Variants in SLC25A21 observed in about 807,000 individuals in gnomAD.
SLC25A21 encodes the protein mitochondrial 2-oxodicarboxylate carrier.
A neutral mutation model predicts 43.8 loss-of-function variants in SLC25A21; 47 were observed. The ratio of observed to expected loss-of-function variants is 1.07; its 90% CI spans 0.85 to 1.37. The LOEUF is 1.37. Among genes scored for constraint, SLC25A21 ranks in the 40% most tolerant of loss-of-function variants. The pLI is 0.00. For synonymous variants in SLC25A21, 131 were observed against 121.3 expected (o/e 1.08, Z -0.52); for missense variants, 352 against 350.2 (o/e 1.00, Z -0.04).
intron 2 of SLC25A21, among the ~76,000 whole-genome samples, chr14:36,835,860 T>C (rs1377771106): frequency 6.6e-6 from 1 of 152,182 alleles, no homozygotes; most frequent in Non-Finnish European, 1.5e-5. Context: ...AGTAGATCCT[T>C]TCCTGTGGGG....
At chr14:37,083,155 G>A (rs1387554369) in intron 1 of SLC25A21, among the ~76,000 whole-genome samples, 3 of 152,114 alleles carry the variant, frequency 2.0e-5, no homozygotes, top group Non-Finnish European at 4.4e-5. Context: ...GAATAAAAGA[G>A]GTATAATAGG....
At chr14:36,940,961 G>C (rs1213828374) in intron 1 of SLC25A21, among the ~76,000 whole-genome samples, 2 of 152,016 alleles carry the variant, frequency 1.3e-5, no homozygotes, top group African/African-American at 4.8e-5. Context: ...AGATTAAACA[G>C]CATTTCATTG....
intron 8 of SLC25A21, 135 bp from the exon 9 acceptor site, chr14:36,684,015 A>G (rs573189319): frequency 1.8e-6 from 1 of 563,486 alleles, no homozygotes; most frequent in South Asian, 3.2e-5. Flanking sequence ...AGCAGACAGC[A>G]TCTTAGTATT....
chr14:36,775,246 T>C (rs143466915), intron 3 of SLC25A21, among the ~76,000 whole-genome samples: 5 of 152,202 alleles, frequency 3.3e-5, no homozygotes, highest in Admixed American at 1.3e-4. Context: ...GAAATCAATA[T>C]AGAAAAGGGG....
intron 1 of SLC25A21, among the ~76,000 whole-genome samples, chr14:36,979,684 C>T (rs935031044): frequency 7.9e-5 from 12 of 152,130 alleles, no homozygotes; most frequent in Admixed American, 6.5e-4. Context: ...ACTTTGCTTA[C>T]ACTGTCTAAA....
intron 5 of SLC25A21, among the ~76,000 whole-genome samples, chr14:36,728,981 G>C (rs1884709855): frequency 6.6e-6 from 1 of 152,194 alleles, no homozygotes; most frequent in Non-Finnish European, 1.5e-5. Flanking sequence ...AGTGAATTTT[G>C]TGTGATACAT....
intron 2 of SLC25A21, among the ~76,000 whole-genome samples, chr14:36,867,790 C>CGT (rs10606711): frequency 0.014 from 2,051 of 146,208 alleles, 12 homozygotes; most frequent in East Asian, 0.021. Context: ...ACCATGCTTT[C>CGT]GTGTGTGTGT....
At position 37,057,312 on chromosome 14, in the gene SLC25A21, G is replaced by A. The variant is rs17106144; in HGVS notation, c.70+114969C>T. Among the ~76,000 whole-genome samples, 1,385 of 152,250 alleles carry A rather than the reference G, an allele frequency of 9.1e-3. 18 individuals are homozygous for A. Among genetic ancestry groups the A allele is most frequent in the African/African-American group, 0.032 (1,319 of 41,546 alleles). On this transcript the variant is annotated intron_variant, in intron 1 of 9. Coordinates refer to ENST00000331299, the MANE Select transcript of SLC25A21 (RefSeq NM_030631.4). ...AATCCTAAAAAGCAATATTCCAGGT[G>A]GGTCCTGAGTGCCTTGTCATTTATA...
chr14:37,095,816 ACG>A (rs999840678), intron 1 of SLC25A21, among the ~76,000 whole-genome samples: 117 of 34,786 alleles, frequency 3.4e-3, no homozygotes, highest in Admixed American at 0.015. Context: ...ACACACGCGC[ACG>A]CACACACACA....
chr14:37,107,421 G>A (rs1244532398), intron 1 of SLC25A21, among the ~76,000 whole-genome samples: 5 of 151,992 alleles, frequency 3.3e-5, no homozygotes, highest in African/African-American at 4.8e-5. Flanking sequence ...GGAGTCAAGC[G>A]GTCCTCCCTT....
intron 1 of SLC25A21, among the ~76,000 whole-genome samples, chr14:37,160,668 G>A (rs1342039516): frequency 5.9e-5 from 9 of 152,016 alleles, no homozygotes; most frequent in African/African-American, 1.9e-4. Flanking sequence ...GGTGGCTCAC[G>A]CCTGTAACCC....
At chr14:36,722,216 C>T (rs1884401916) in intron 6 of SLC25A21, among the ~76,000 whole-genome samples, 1 of 152,058 alleles carries the variant, frequency 6.6e-6, no homozygotes, top group African/African-American at 2.4e-5. Context: ...ATATCAATTA[C>T]ACACTGAAAT....
intron 3 of SLC25A21, among the ~76,000 whole-genome samples, chr14:36,785,047 G>A (rs541517348): frequency 2.4e-4 from 36 of 152,258 alleles, no homozygotes; most frequent in African/African-American, 7.5e-4. Context: ...TACCAGAGGG[G>A]TGGTAGCCAG....
At chr14:36,982,843 A>AAAACAAAACC (rs746575732) in intron 1 of SLC25A21, among the ~76,000 whole-genome samples, 92 of 152,098 alleles carry the variant, frequency 6.0e-4, no homozygotes, top group Non-Finnish European at 1.1e-3. Context: ...AACAACAAAC[A>AAAACAAAACC]AAACAAAAGG....
chr14:37,104,497 T>C lies in SLC25A21; in HGVS notation c.70+67784A>G, dbSNP rs75211683. Among the ~76,000 whole-genome samples the C allele has an allele frequency of 3.1e-3, 470 of 152,318 alleles. 1 individual carries two copies. Among genetic ancestry groups the C allele is most frequent in the African/African-American group, 0.011 (437 of 41,566 alleles). On this transcript the variant is annotated intron_variant, in intron 1 of 9. Transcript: ENST00000331299. The stretch of plus-strand genomic sequence containing the variant: ...ATGAGTAACTTATTAAAAATATACA[T>C]TGTTTTTACCAAAGCCATTCCTTTG...
chr14:36,808,573 G>C (rs1385339938), intron 3 of SLC25A21, among the ~76,000 whole-genome samples: 1 of 152,070 alleles, frequency 6.6e-6, no homozygotes, highest in Non-Finnish European at 1.5e-5. Flanking sequence ...CTTCTTTCCA[G>C]CCAATAAATA....
chr14:36,683,112 G>C (rs538221259), intron 9 of SLC25A21, among the ~76,000 whole-genome samples: 59 of 152,324 alleles, frequency 3.9e-4, no homozygotes, highest in African/African-American at 1.4e-3. Context: ...GTGGTCTAGA[G>C]TATACTTTTG....
intron 2 of SLC25A21, among the ~76,000 whole-genome samples, chr14:36,834,537 CA>C (rs1594627286): frequency 6.6e-6 from 1 of 152,130 alleles, no homozygotes; most frequent in Admixed American, 6.6e-5. Context: ...GTTGATTTCT[CA>C]GTAAATATTG....
chr14:37,044,127 T>C (rs1042683825), intron 1 of SLC25A21, among the ~76,000 whole-genome samples: 3 of 151,884 alleles, frequency 2.0e-5, no homozygotes, highest in African/African-American at 4.8e-5. Context: ...TGCTTTCCAT[T>C]ACATCCCCAG....
Sources: allele counts gnomAD v4.1 joint callset (sites outside exome capture counted in the v4.1 genomes callset), GRCh38; gene constraint gnomAD v4.1.1; transcripts MANE v1.5; gene names NCBI Gene and HGNC (gene_info 2026-07-23, HGNC 2026-07-21).